NRG1: variants seen among roughly 807,000 people sequenced by gnomAD.
The protein encoded by NRG1 is pro-neuregulin-1, membrane-bound isoform.
A neutral mutation model predicts 63.8 loss-of-function variants in NRG1; 18 were observed. That is an observed-to-expected ratio of 0.28 (90% CI 0.19 to 0.42). The LOEUF is 0.42. NRG1 is among the 10% of genes least tolerant of loss of function. NRG1 has a pLI of 1.00. For synonymous variants in NRG1, 302 were observed against 301.3 expected (o/e 1.00, Z -0.02); for missense variants, 762 against 814.7 (o/e 0.94, Z 0.79).
intron 1 of NRG1, among the ~76,000 whole-genome samples, chr8:32,175,384 G>A (rs1840593747): frequency 6.6e-6 from 1 of 152,104 alleles, no homozygotes; most frequent in African/African-American, 2.4e-5. Context: ...CATACTGAAT[G>A]GGCAAAAACT....
chr8:31,826,893 T>A (rs373936151), intron 1 of NRG1, among the ~76,000 whole-genome samples: 2 of 152,206 alleles, frequency 1.3e-5, no homozygotes, highest in African/African-American at 4.8e-5. Flanking sequence ...TTTGTTTTGT[T>A]TTTGTTTTAG....
chr8:31,838,485 GTTGGTATTT>G (rs1462805297), intron 1 of NRG1, among the ~76,000 whole-genome samples: 2 of 152,050 alleles, frequency 1.3e-5, no homozygotes. Flanking sequence ...AACAATTTCT[GTTGGTATTT>G]TTAGTAGGAT....
At chr8:32,053,359 A>G (rs1197487868) in intron 1 of NRG1, among the ~76,000 whole-genome samples, 1 of 152,188 alleles carries the variant, frequency 6.6e-6, no homozygotes, top group African/African-American at 2.4e-5. Flanking sequence ...GAATACAATA[A>G]TATTTTCACT....
chr8:32,725,941 T>A lies in NRG1; in HGVS notation c.503-2008T>A, dbSNP rs1159628190. Among the ~76,000 whole-genome samples, 3 of 152,204 alleles carry A rather than the reference T, an allele frequency of 2.0e-5. No individual in the cohort carries two copies. In the East Asian group the frequency reaches 5.8e-4, roughly 29 times the overall value. On this transcript the variant is annotated intron_variant, in intron 5 of 11. Coordinates refer to ENST00000356819, the Ensembl canonical transcript of NRG1. Reference sequence around the variant, plus strand: ...TTTACAGACCAAACAATGCAAATCATGTTTCCCCTCTTCTTAATGAAGATG... The same window carrying A: ...TTTACAGACCAAACAATGCAAATCAAGTTTCCCCTCTTCTTAATGAAGATG...
chr8:32,508,770 C>A (rs1397165213), intron 1 of NRG1, among the ~76,000 whole-genome samples: 1 of 151,896 alleles, frequency 6.6e-6, no homozygotes, highest in African/African-American at 2.4e-5. Context: ...GAGTCTCACT[C>A]CGTCACTCAG....
intron 1 of NRG1, among the ~76,000 whole-genome samples, chr8:32,455,210 C>T (rs1421786466): frequency 6.6e-6 from 1 of 152,142 alleles, no homozygotes; most frequent in Non-Finnish European, 1.5e-5. Flanking sequence ...CATATAGCAT[C>T]ATTGGCCAGA....
chr8:31,699,164 A>G (rs1009602763), intron 1 of NRG1, among the ~76,000 whole-genome samples: 2 of 149,966 alleles, frequency 1.3e-5, no homozygotes, highest in Non-Finnish European at 3.0e-5. Flanking sequence ...TCTTGCATTC[A>G]TCATTTACTA....
chr8:32,397,619 C>A (rs1587363613), intron 1 of NRG1, among the ~76,000 whole-genome samples: 1 of 151,722 alleles, frequency 6.6e-6, no homozygotes, highest in South Asian at 2.1e-4. Flanking sequence ...TGGTTTTCAC[C>A]CTACTTGGAG....
intron 1 of NRG1, among the ~76,000 whole-genome samples, chr8:32,194,406 T>C (rs559597930): frequency 6.6e-6 from 1 of 152,296 alleles, no homozygotes; most frequent in South Asian, 2.1e-4. Context: ...CATTTTTTTT[T>C]AAATAGCAAG....
At chr8:31,728,563 C>T (rs992672465) in intron 1 of NRG1, among the ~76,000 whole-genome samples, 2 of 151,892 alleles carry the variant, frequency 1.3e-5, no homozygotes, top group African/African-American at 4.8e-5. Context: ...AATATGATGA[C>T]AAGTAGAAAA....
At chr8:32,218,270 G>A (rs1263167461) in intron 1 of NRG1, among the ~76,000 whole-genome samples, 1 of 152,108 alleles carries the variant, frequency 6.6e-6, no homozygotes, top group African/African-American at 2.4e-5. Context: ...AATCAAAGGT[G>A]GCCAACCATT....
At chr8:31,862,498 A>G (rs1023446608) in intron 1 of NRG1, among the ~76,000 whole-genome samples, 21 of 152,252 alleles carry the variant, frequency 1.4e-4, no homozygotes, top group African/African-American at 4.1e-4. Flanking sequence ...CTTGTAAACT[A>G]TTTGCTCTGG....
intron 1 of NRG1, among the ~76,000 whole-genome samples, chr8:32,255,638 A>G (rs1391256717): frequency 6.6e-6 from 1 of 152,216 alleles, no homozygotes; most frequent in South Asian, 2.1e-4. Context: ...GCTGCCCTTA[A>G]CATTTTTTCC....
chr8:32,358,434 A>G (rs1352412978), intron 1 of NRG1, among the ~76,000 whole-genome samples: 2 of 151,746 alleles, frequency 1.3e-5, no homozygotes, highest in Admixed American at 1.3e-4. Flanking sequence ...GGGAGAGGTC[A>G]GAGATGCTGT....
intron 1 of NRG1, among the ~76,000 whole-genome samples, chr8:32,592,856 A>G (rs947785581): frequency 2.0e-5 from 3 of 152,150 alleles, no homozygotes; most frequent in Non-Finnish European, 2.9e-5. Context: ...ATTTAAGTAT[A>G]ACTTTTGACT....
At chr8:31,669,411 T>C (rs1195783534) in intron 1 of NRG1, among the ~76,000 whole-genome samples, 2 of 152,152 alleles carry the variant, frequency 1.3e-5, no homozygotes, top group Non-Finnish European at 1.5e-5. Context: ...CTAATTTTTG[T>C]ATTTTTTTGT....
At chr8:32,365,599 A>G (rs1446724166) in intron 1 of NRG1, among the ~76,000 whole-genome samples, 1 of 152,178 alleles carries the variant, frequency 6.6e-6, no homozygotes. Flanking sequence ...ATAAATTAGT[A>G]CACCTTTTTT....
In NRG1 at chr8:32,100,570, C is replaced by CT. The variant is rs72152539; in HGVS notation, c.37+461148dup. On this transcript the variant is annotated intron_variant, in intron 1 of 10. Coordinates refer to the NRG1 transcript ENST00000519301. ...TTTTTTTTTTATAAAATGGGAAAGT[C>CT]TTTTTTTTTAATGTATTTACAGACA... 2.7e-4 allele frequency among the ~76,000 whole-genome samples: 41 copies of CT among 150,020 alleles called. No individual in the cohort carries two copies. The South Asian group carries it at 6.7e-3, about 25-fold the overall frequency.
intron 1 of NRG1, among the ~76,000 whole-genome samples, chr8:31,791,528 C>A (rs1563406482): frequency 6.6e-6 from 1 of 152,152 alleles, no homozygotes. Flanking sequence ...CTCTGTCACT[C>A]ACAATATTAC....
Sources: allele counts gnomAD v4.1 joint callset (sites outside exome capture counted in the v4.1 genomes callset), GRCh38; gene constraint gnomAD v4.1.1; transcripts MANE v1.5; gene names NCBI Gene and HGNC (gene_info 2026-07-23, HGNC 2026-07-21).